The following XDH variants were observed in gnomAD, a reference collection of about 807,000 sequenced individuals.
XDH encodes the protein xanthine dehydrogenase, also known as xanthine dehydrogenase/oxidase.
A neutral mutation model predicts 156.1 loss-of-function variants in XDH; 138 were observed. The observed-to-expected ratio is 0.88, with a 90% confidence interval of 0.77 to 1.02. XDH has a LOEUF of 1.02. Among genes scored for constraint, XDH ranks in the 50% least tolerant of loss-of-function variants. The pLI is 0.00. For synonymous variants in XDH, 669 were observed against 625.7 expected, an observed-to-expected ratio of 1.07 and a Z score of -1.03; for missense variants, 1,849 against 1,684.9, an observed-to-expected ratio of 1.10 and a Z score of -1.71.
At chr2:31,376,536 ATAG>A (rs778276477) in intron 14 of XDH, among the ~76,000 whole-genome samples, 3 of 149,456 alleles carry the variant, frequency 2.0e-5, no homozygotes, top group African/African-American at 4.9e-5. Context: ...AACAGCAGTA[ATAG>A]TAGTAGTAGT....
intron 3 of XDH, among the ~76,000 whole-genome samples, chr2:31,401,904 T>G (rs906696363): frequency 6.6e-6 from 1 of 152,330 alleles, no homozygotes; most frequent in African/African-American, 2.4e-5. Flanking sequence ...GTGCCAGACA[T>G]AAGTCAGGCA....
chr2:31,339,007 G>A (rs1478918536), intron 34 of XDH, among the ~76,000 whole-genome samples: 1 of 151,992 alleles, frequency 6.6e-6, no homozygotes, highest in African/African-American at 2.4e-5. Flanking sequence ...TTACAGGCAT[G>A]AGCCACCGCA....
intron 31 of XDH, 50 bp downstream of exon 31, chr2:31,344,634 G>T: frequency 1.2e-6 from 2 of 1,609,334 alleles, no homozygotes. Flanking sequence ...GACCAGTGAG[G>T]TTAGGACGAC....
At chr2:31,340,107 T>C (rs1241657742) in intron 33 of XDH, among the ~76,000 whole-genome samples, 1 of 152,232 alleles carries the variant, frequency 6.6e-6, no homozygotes, top group Non-Finnish European at 1.5e-5. Flanking sequence ...GTGCCCCCAC[T>C]GCAGTTCAGC....
chr2:31,402,939 G>T, intron 3 of XDH, 109 bp downstream of exon 3: 1 of 1,171,820 alleles, frequency 8.5e-7, no homozygotes, highest in Non-Finnish European at 1.3e-6. Flanking sequence ...AAAAACAGGG[G>T]CTCACACATG....
intron 9 of XDH, 61 bp downstream of exon 9, chr2:31,386,353 G>C (rs1438000645): frequency 1.2e-6 from 2 of 1,600,568 alleles, no homozygotes; most frequent in Non-Finnish European, 1.7e-6. Flanking sequence ...GGATGGGCAA[G>C]AGGACCTAGA....
chr2:31,364,502 A>G (rs954054425), intron 23 of XDH, among the ~76,000 whole-genome samples: 3 of 151,500 alleles, frequency 2.0e-5, no homozygotes, highest in African/African-American at 7.3e-5. Flanking sequence ...TCCTCCTGCT[A>G]CCGGCACCTG....
At position 31,388,273 on chromosome 2, in the gene XDH, TCTC is replaced by T; in HGVS notation, c.515_517del (p.Gly172del). ...CATGCAGCAATTTGGATTATTCCCA[TCTC>T]CTCCACAGCATCCACCATCCTAGAG... On this transcript the variant is annotated inframe_deletion, in exon 7 of 36. Coordinates refer to ENST00000379416, the MANE Select transcript of XDH (RefSeq NM_000379.4). 6.2e-7 allele frequency: 1 copy of T among 1,614,126 alleles called. No individual in the cohort carries two copies. The highest frequency in any genetic ancestry group is 1.1e-5 in the South Asian group (1 of 91,086).
Position 31,370,251 on chromosome 2 carries a change from T to C in XDH, c.1980+104A>G, listed in dbSNP as rs902868423. 1.9e-5 allele frequency: 26 copies of C among 1,373,996 alleles called. No individual in the cohort carries two copies. The African/African-American group carries it at 3.1e-4, about 17-fold the overall frequency. The allele number at this position is 1,373,996 out of a possible 1,614,324, so 85.1% of individuals were successfully genotyped here. On this transcript the variant is annotated intron_variant, in intron 18 of 35. Transcript: ENST00000379416. ...CCAACTGGATGATGGCCATAATCCA[T>C]GCAAATGTATAACCTTTCCAGATCA...
chr2:31,359,194 T>C (rs1410170295), intron 24 of XDH, among the ~76,000 whole-genome samples: 1 of 152,168 alleles, frequency 6.6e-6, no homozygotes, highest in Admixed American at 6.5e-5. Flanking sequence ...GATTGGAATA[T>C]AAAATGGTGT....
chr2:31,384,680 C>T (rs917200822), intron 9 of XDH, among the ~76,000 whole-genome samples: 7 of 152,212 alleles, frequency 4.6e-5, no homozygotes, highest in Admixed American at 1.3e-4. Context: ...TTTGCCCCCC[C>T]TTCCCCCCAG....
chr2:31,343,292 A>ATATATATATATG (rs1209702005), intron 31 of XDH, among the ~76,000 whole-genome samples: 1 of 24,212 alleles, frequency 4.1e-5, no homozygotes, highest in East Asian at 1.8e-3. Context: ...CACCATATAT[A>ATATATATATATG]TATATATATA....
At chr2:31,386,386 GC>G (rs748743464) in intron 9 of XDH, 27 bp downstream of exon 9, 3 of 1,609,498 alleles carry the variant, frequency 1.9e-6, no homozygotes, top group Non-Finnish European at 1.7e-6. Flanking sequence ...CCCCCTGGCA[GC>G]CCCAGGGCAG....
intron 1 of XDH, among the ~76,000 whole-genome samples, chr2:31,411,084 T>A (rs1458111692): frequency 6.6e-6 from 1 of 151,740 alleles, no homozygotes; most frequent in Non-Finnish European, 1.5e-5. Flanking sequence ...GAGTTCAACA[T>A]CAGCCTGGCC....
At chr2:31,386,910 G>A (rs1686614527) in intron 8 of XDH, among the ~76,000 whole-genome samples, 1 of 141,250 alleles carries the variant, frequency 7.1e-6, no homozygotes, top group African/African-American at 2.6e-5. Context: ...GGGGCACCAT[G>A]GACAAGGCAT....
rs758445731 is a variant in XDH, at chr2:31,373,881, G to C, written c.1678C>G (p.Leu560Val). Residue 560 changes from leucine (L) to valine (V), a missense_variant, in exon 16 of 36, where the codon CTC becomes GTC. By Grantham distance (32) the Leu-to-Val change is conservative. Transcript: ENST00000379416. ...ACACTGACCGTACTCACTTGGAAGA[G>C]CTGGACATCGGCTGGGGGGTCTTTC... ...FQKDPPADVQLFQEVPKGQSE... is the reference protein window; with the variant it reads ...FQKDPPADVQVFQEVPKGQSE... 1.1e-5 allele frequency: 17 copies of C among 1,613,832 alleles called. No homozygotes were observed. Among genetic ancestry groups the C allele is most frequent in the Non-Finnish European group, 1.4e-5 (16 of 1,179,810 alleles).
At chr2:31,336,924 C>A (rs1289969884) in intron 35 of XDH, among the ~76,000 whole-genome samples, 4 of 149,844 alleles carry the variant, frequency 2.7e-5, no homozygotes, top group Admixed American at 1.3e-4. Flanking sequence ...CACTTCAGCA[C>A]CACTCAGAGG....
At chr2:31,348,142 C>T (rs569605845) in intron 28 of XDH, 126 bp downstream of exon 28, 230 of 945,528 alleles carry the variant, frequency 2.4e-4, no homozygotes, top group South Asian at 4.3e-4. Flanking sequence ...CGAGGCTACA[C>T]GGACATAAGC....
chr2:31,385,586 C>A (rs1473309340), intron 9 of XDH, among the ~76,000 whole-genome samples: 1 of 152,224 alleles, frequency 6.6e-6, no homozygotes. Flanking sequence ...CTCCTTAGAT[C>A]CTCACTAGGC....
Sources: allele counts gnomAD v4.1 joint callset (sites outside exome capture counted in the v4.1 genomes callset), GRCh38; gene constraint gnomAD v4.1.1; transcripts MANE v1.5; gene names NCBI Gene and HGNC (gene_info 2026-07-23, HGNC 2026-07-21).